PPP5C: variants seen among roughly 807,000 people sequenced by gnomAD.
PPP5C encodes protein phosphatase 5 catalytic subunit, also known as serine/threonine-protein phosphatase 5.
PPP5C carries 21 observed loss-of-function variants against 66.7 expected under a neutral mutation model. That is an observed-to-expected ratio of 0.31 (90% CI 0.22 to 0.45). The LOEUF (loss-of-function observed/expected upper bound fraction) is 0.45. Ranked by LOEUF, PPP5C falls within the 20% of genes least tolerant of loss-of-function variation. PPP5C has a pLI of 1.00. For synonymous variants in PPP5C, 246 were observed against 257.4 expected, an observed-to-expected ratio of 0.96 and a Z score of 0.43; for missense variants, 464 against 675.9, an observed-to-expected ratio of 0.69 and a Z score of 3.48.
chr19:46,375,550 A>G (rs1473572617), intron 2 of PPP5C, 54 bp from the exon 3 acceptor site: 10 of 1,598,034 alleles, frequency 6.3e-6, no homozygotes, highest in East Asian at 4.5e-5. Context: ...CCTGGGGGCA[A>G]CCGCTGTGCC....
chr19:46,387,850 G>A, intron 9 of PPP5C: 1 of 746,042 alleles, frequency 1.3e-6, no homozygotes, highest in Non-Finnish European at 1.8e-6. Context: ...TGGGTGGGCT[G>A]GTGCTGGGTG....
At chr19:46,370,939 A>G (rs113087233) in intron 2 of PPP5C, among the ~76,000 whole-genome samples, 2,903 of 152,092 alleles carry the variant, frequency 0.019, 109 homozygotes, top group African/African-American at 0.066. Context: ...ATGGGGTTTC[A>G]CTATGTTAGC....
chr19:46,355,103 C>T (rs1171115483), intron 2 of PPP5C, among the ~76,000 whole-genome samples: 2 of 152,324 alleles, frequency 1.3e-5, no homozygotes, highest in African/African-American at 2.4e-5. Flanking sequence ...GCCCAGTGAC[C>T]CCCACCTGGT....
At chr19:46,389,948 C>T (rs545111555) in intron 11 of PPP5C, 103 bp from the exon 12 acceptor site, 5 of 1,016,054 alleles carry the variant, frequency 4.9e-6, no homozygotes, top group African/African-American at 3.2e-5. Flanking sequence ...TGGCTCTGTC[C>T]CTCCCTCTCC....
In PPP5C at chr19:46,387,767, G is replaced by A. The variant is rs1436143767; in HGVS notation, c.1135+314G>A. ...GTCTTGGGGCTCCTGTGCTAGTGAC[G>A]GGCACACTTCAGAGAGTTCACCCAC... On this transcript the variant is annotated intron_variant, in intron 9 of 12. Coordinates refer to ENST00000012443, the MANE Select transcript of PPP5C (RefSeq NM_006247.4). 14 of 1,287,188 alleles carry A rather than the reference G, an allele frequency of 1.1e-5. 1 individual carries two copies. The Admixed American group carries it at 1.2e-4, about 11-fold the overall frequency. The allele number at this position is 1,287,188 out of a possible 1,614,324, so 79.7% of individuals were successfully genotyped here.
At position 46,351,680 on chromosome 19, in the gene PPP5C, C is replaced by T. The variant is rs553079161; in HGVS notation, c.122-2068C>T. On this transcript the variant is annotated intron_variant, in intron 1 of 12. Coordinates refer to ENST00000012443, the MANE Select transcript of PPP5C (RefSeq NM_006247.4). The stretch of plus-strand genomic sequence containing the variant: ...GGAGGCCTGAAGGAGTCCTCAAAGG[C>T]GCTGGCATTCCAGGGAGGGTCGGTC... 6.6e-5 allele frequency among the ~76,000 whole-genome samples: 10 copies of T among 152,344 alleles called. No individual in the cohort carries two copies. The East Asian group carries it at 1.4e-3, about 21-fold the overall frequency.
chr19:46,372,593 G>A (rs1366135273), intron 2 of PPP5C, among the ~76,000 whole-genome samples: 1 of 152,206 alleles, frequency 6.6e-6, no homozygotes, highest in Non-Finnish European at 1.5e-5. Context: ...TTCGGGGATT[G>A]TGAACCTGTG....
intron 2 of PPP5C, among the ~76,000 whole-genome samples, chr19:46,356,461 C>A (rs1180312139): frequency 6.6e-6 from 1 of 152,214 alleles, no homozygotes; most frequent in Non-Finnish European, 1.5e-5. Context: ...GTGACCTTGG[C>A]CTTGGGCGGG....
intron 1 of PPP5C, among the ~76,000 whole-genome samples, chr19:46,348,832 C>T (rs1399610657): frequency 6.6e-6 from 1 of 152,106 alleles, no homozygotes; most frequent in Non-Finnish European, 1.5e-5. Context: ...GAGAAGGGAG[C>T]GCTTCTAGAA....
Position 46,390,584 on chromosome 19 carries a change from A to G in PPP5C, c.*238A>G, listed in dbSNP as rs1568580973. 4 of 1,386,482 alleles carry G rather than the reference A, an allele frequency of 2.9e-6. No individual in the cohort carries two copies. Among genetic ancestry groups the G allele is most frequent in the Non-Finnish European group, 3.7e-6 (4 of 1,067,330 alleles). The allele number at this position is 1,386,482 out of a possible 1,614,324, so 85.9% of individuals were successfully genotyped here. A position where few individuals can be genotyped will look rare whatever the true frequency, so the allele number is the denominator to read the frequency against. ...AGGTGGAGCAGCTGGGGCTGGGGGC[A>G]CAGCCTGGGCATTCTGTGGGGAGGC... On this transcript the variant is annotated 3_prime_UTR_variant, in exon 13 of 13. Transcript: ENST00000012443.
chr19:46,375,715 C>T lies in PPP5C; in HGVS notation c.475C>T (p.Arg159Cys), dbSNP rs1311897521. The change falls in exon 3 of 13, where the codon CGC (arginine) becomes TGC (cysteine). Residue 159 changes from arginine to cysteine, a missense_variant. Physicochemically the swap from Arg to Cys is radical, Grantham distance 180. Coordinates refer to ENST00000012443, the MANE Select transcript of PPP5C (RefSeq NM_006247.4). ...GGCCATCGCGGGCGACGAGCACAAG[C>T]GCTCCGTGGTGGACTCGCTGGACAT... ...ERAIAGDEHKRSVVDSLDIES... is the reference protein window; with the variant it reads ...ERAIAGDEHKCSVVDSLDIES... The T allele has an allele frequency of 1.9e-6, 3 of 1,609,830 alleles. No individual in the cohort carries two copies. Among genetic ancestry groups the T allele is most frequent in the Non-Finnish European group, 2.5e-6 (3 of 1,177,926 alleles).
chr19:46,368,248 G>A (rs185414811), intron 2 of PPP5C, among the ~76,000 whole-genome samples: 90 of 152,342 alleles, frequency 5.9e-4, no homozygotes, highest in African/African-American at 2.1e-3. Context: ...GAGAATGGCA[G>A]GGGATTATCG....
At position 46,384,925 on chromosome 19, in the gene PPP5C, A is replaced by C. The variant is rs1299511784; in HGVS notation, c.904+16A>C. ...CTCCTTCGAGGTGAGCTGGGAAGTG[A>C]CAAGGTTTGGGTTCATTGTGGGGTC... On this transcript the variant is annotated intron_variant, in intron 7 of 12. Transcript: ENST00000012443. 1.4e-5 allele frequency: 22 copies of C among 1,599,228 alleles called. No individual in the cohort carries two copies. Among genetic ancestry groups the C allele is most frequent in the Non-Finnish European group, 1.8e-5 (21 of 1,166,610 alleles).
At chr19:46,389,975 C>G (rs1568580335) in intron 11 of PPP5C, 76 bp from the exon 12 acceptor site, 8 of 1,364,400 alleles carry the variant, frequency 5.9e-6, no homozygotes, top group African/African-American at 4.3e-5. Context: ...CCCTTCTTGC[C>G]CAGCCATTCC....
In PPP5C at chr19:46,347,196, C is replaced by G. The variant is rs761449755; in HGVS notation, c.100C>G (p.Gln34Glu). Residue 34 changes from glutamine (Q) to glutamate (E), a missense_variant, in exon 1 of 13, where the codon CAG (glutamine) becomes GAG (glutamate). By Grantham distance (29) the Gln-to-Glu change is conservative. This residue lies in a region of PPP5C where 77 missense variants were observed against 49.9 expected (regional missense o/e 1.54). Coordinates refer to ENST00000012443, the MANE Select transcript of PPP5C (RefSeq NM_006247.4). ...ALKRAEELKTQANDYFKAKDY... is the reference protein window; with the variant it reads ...ALKRAEELKTEANDYFKAKDY... Reference sequence around the variant, plus strand: ...GAAGCGGGCAGAGGAGCTCAAGACTCAGGCCAATGACTACTTCAAAGGTGC... The same window carrying G: ...GAAGCGGGCAGAGGAGCTCAAGACTGAGGCCAATGACTACTTCAAAGGTGC... The G allele has an allele frequency of 3.7e-6, 6 of 1,606,992 alleles. No individual in the cohort carries two copies. The South Asian group carries it at 6.7e-5, about 18-fold the overall frequency.
intron 2 of PPP5C, among the ~76,000 whole-genome samples, chr19:46,368,607 G>C (rs1972530894): frequency 6.6e-6 from 1 of 152,134 alleles, no homozygotes. Flanking sequence ...TGGATGAACT[G>C]TATAACAGGG....
chr19:46,388,729 C>A lies in PPP5C; in HGVS notation c.1353C>A (p.Tyr451Ter). 6.2e-7 allele frequency: 1 copy of A among 1,613,748 alleles called. No homozygotes were observed. Among genetic ancestry groups the A allele is most frequent in the Non-Finnish European group, 8.5e-7 (1 of 1,179,742 alleles). The change falls in exon 11 of 13, where the codon TAC (tyrosine) becomes TAA (stop). Residue 451 changes from tyrosine to a stop codon, truncating the protein, a stop_gained and splice_region_variant. Transcript: ENST00000012443. LOFTEE classifies it high-confidence loss of function. The surrounding 1 kb of genome is among the most constrained non-coding windows in gnomAD (Gnocchi z 4.9). ...RCVTVFSAPN[Y>*]CDQMGNKASY... is the part of the protein sequence containing the mutation. The stretch of plus-strand genomic sequence containing the variant: ...TCACCGTCTTCTCTGCCCCCAACTA[C>A]TGGTATGTCTTTGCCTTTCCAGCCC...
Position 46,388,764 on chromosome 19 carries a change from A to G in PPP5C, c.1355+33A>G. On this transcript the variant is annotated intron_variant, in intron 11 of 12. Coordinates refer to ENST00000012443, the MANE Select transcript of PPP5C (RefSeq NM_006247.4). The surrounding 1 kb of genome is among the most constrained non-coding windows in gnomAD (Gnocchi z 4.9). ...TTTGCCTTTCCAGCCCAGGGCCTCT[A>G]CCAAGCCACGGGTTTTTGTCTTGGT... 1 of 1,594,838 alleles carries G rather than the reference A, an allele frequency of 6.3e-7. No individual in the cohort carries two copies. The highest frequency in any genetic ancestry group is 8.6e-7 in the Non-Finnish European group (1 of 1,168,540).
intron 2 of PPP5C, among the ~76,000 whole-genome samples, chr19:46,357,582 A>T (rs1014860355): frequency 2.0e-5 from 3 of 152,214 alleles, no homozygotes; most frequent in African/African-American, 7.2e-5. Flanking sequence ...TCTGATGCTG[A>T]TCACAAGACC....
Sources: gnomAD v4.1 joint callset for allele counts (sites outside exome capture counted in the v4.1 genomes callset) on GRCh38, gnomAD v4.1.1 for gene constraint, gnomAD v4.1.1 regional missense constraint, Gnocchi (gnomAD v3.1) non-coding constraint, MANE v1.5 for transcripts, NCBI Gene and HGNC (gene_info 2026-07-23, HGNC 2026-07-21) for gene names.